Variants in OPCML observed in about 807,000 individuals in gnomAD.
OPCML encodes opioid binding protein/cell adhesion molecule like, also known as opioid-binding protein/cell adhesion molecule.
OPCML carries 13 observed loss-of-function variants against 37.8 expected under a neutral mutation model. The ratio of observed to expected loss-of-function variants is 0.34; its 90% confidence interval spans 0.22 to 0.55. The LOEUF (loss-of-function observed/expected upper bound fraction) is 0.55, where lower values mean the gene tolerates loss of function less well. OPCML is among the 20% of genes least tolerant of loss of function. OPCML has a pLI of 0.91. For missense variants in OPCML, 341 were observed against 435.6 expected (o/e 0.78, Z 1.93); for synonymous variants, 176 against 168.8 (o/e 1.04, Z -0.33).
intron 1 of OPCML, among the ~76,000 whole-genome samples, chr11:133,220,812 T>C (rs1939785018): frequency 1.3e-5 from 2 of 152,136 alleles, no homozygotes; most frequent in African/African-American, 4.8e-5. Context: ...CTCTAAATGC[T>C]TAACAGCCCC....
At chr11:132,892,363 G>C (rs530708694) in intron 2 of OPCML, among the ~76,000 whole-genome samples, 1 of 152,146 alleles carries the variant, frequency 6.6e-6, no homozygotes, top group Non-Finnish European at 1.5e-5. Flanking sequence ...GCTATTTGGA[G>C]TGGGGGACAG....
At chr11:133,308,525 T>C (rs1434525234) in intron 1 of OPCML, among the ~76,000 whole-genome samples, 2 of 152,070 alleles carry the variant, frequency 1.3e-5, no homozygotes, top group African/African-American at 4.8e-5. Flanking sequence ...TTTAAAAATA[T>C]ACTGCAGATA....
At chr11:132,787,862 C>G (rs774664226) in intron 2 of OPCML, among the ~76,000 whole-genome samples, 34 of 152,150 alleles carry the variant, frequency 2.2e-4, no homozygotes, top group Non-Finnish European at 4.7e-4. Context: ...CAAGCTCTTT[C>G]ACATTTCCAG....
At chr11:133,045,731 C>T (rs1159268324) in intron 1 of OPCML, among the ~76,000 whole-genome samples, 2 of 152,188 alleles carry the variant, frequency 1.3e-5, no homozygotes, top group East Asian at 3.9e-4. Context: ...CGTCTTCTAG[C>T]ATGTTAGAGA....
chr11:132,603,955 T>G (rs1938099944), intron 3 of OPCML, among the ~76,000 whole-genome samples: 1 of 152,176 alleles, frequency 6.6e-6, no homozygotes, highest in Non-Finnish European at 1.5e-5. Context: ...TACTTTATGC[T>G]ATAGCTCTAT....
chr11:132,759,124 C>A (rs2136091476), intron 2 of OPCML, among the ~76,000 whole-genome samples: 1 of 152,262 alleles, frequency 6.6e-6, no homozygotes, highest in South Asian at 2.1e-4. Context: ...GTATGTTGAA[C>A]CAGCCTTGCA....
chr11:132,887,261 C>T (rs550137306), intron 2 of OPCML, among the ~76,000 whole-genome samples: 37 of 152,342 alleles, frequency 2.4e-4, no homozygotes, highest in African/African-American at 7.7e-4. Flanking sequence ...GGCTCCACCA[C>T]GGAGCCTAGG....
chr11:132,476,891 T>C (rs893595592), intron 4 of OPCML, among the ~76,000 whole-genome samples: 3 of 152,094 alleles, frequency 2.0e-5, no homozygotes, highest in African/African-American at 7.2e-5. Context: ...ATGAATCCCA[T>C]TGTTTGAAAT....
At chr11:132,498,125 A>G (rs1421838751) in intron 4 of OPCML, among the ~76,000 whole-genome samples, 1 of 152,232 alleles carries the variant, frequency 6.6e-6, no homozygotes, top group Admixed American at 6.5e-5. Context: ...AAAGTGACCA[A>G]AGGAAGAGAA....
chr11:132,712,619 G>C (rs1438510796), intron 2 of OPCML, among the ~76,000 whole-genome samples: 1 of 152,132 alleles, frequency 6.6e-6, no homozygotes, highest in African/African-American at 2.4e-5. Context: ...TCCGCGCCGC[G>C]TGTCAATAAA....
chr11:132,764,012 G>A (rs749234876), intron 2 of OPCML, among the ~76,000 whole-genome samples: 1 of 152,198 alleles, frequency 6.6e-6, no homozygotes, highest in East Asian at 1.9e-4. Flanking sequence ...AGGCCTCAAA[G>A]GCATTATGCC....
At chr11:132,614,304 T>C (rs11223148) in intron 3 of OPCML, among the ~76,000 whole-genome samples, 49,214 of 152,004 alleles carry the variant, frequency 0.32, 9,910 homozygotes, top group Non-Finnish European at 0.46. Context: ...TTTCACCTCC[T>C]TGATGAAGCC....
chr11:133,325,496 G>T, intron 1 of OPCML, among the ~76,000 whole-genome samples: 1 of 152,118 alleles, frequency 6.6e-6, no homozygotes, highest in East Asian at 1.9e-4. Flanking sequence ...CTATCAAAAT[G>T]CAGAAACAAC....
At chr11:132,710,547 AT>A (rs1944218644) in intron 2 of OPCML, among the ~76,000 whole-genome samples, 1 of 152,226 alleles carries the variant, frequency 6.6e-6, no homozygotes, top group Non-Finnish European at 1.5e-5. Context: ...GTGAGCTTTC[AT>A]ATTGACTTTA....
intron 4 of OPCML, among the ~76,000 whole-genome samples, chr11:132,471,961 G>T (rs877264): frequency 1.3e-5 from 2 of 151,872 alleles, no homozygotes; most frequent in Non-Finnish European, 2.9e-5. Flanking sequence ...ACACAGACAC[G>T]GTGGAGGAGT....
chr11:133,181,738 T>C (rs1937842623), intron 1 of OPCML, among the ~76,000 whole-genome samples: 1 of 152,210 alleles, frequency 6.6e-6, no homozygotes, highest in Non-Finnish European at 1.5e-5. Flanking sequence ...TGTGCTCACA[T>C]GTATGGTGAG....
At position 133,259,645 on chromosome 11, in the gene OPCML, G is replaced by A. The variant is rs550487932; in HGVS notation, c.61+272619C>T. 3.3e-5 allele frequency among the ~76,000 whole-genome samples: 5 copies of A among 152,302 alleles called. No homozygotes were observed. In the East Asian group the frequency reaches 9.6e-4, roughly 29 times the overall value. ...TTCCCTGAATCTTTGATGCAAAAGT[G>A]AGAGAAGAATAGTAAAAACGAAATT... is the stretch of plus-strand genomic sequence containing the variant. On this transcript the variant is annotated intron_variant, in intron 1 of 7. Coordinates refer to ENST00000524381, the MANE Select transcript of OPCML (RefSeq NM_001012393.5).
intron 2 of OPCML, among the ~76,000 whole-genome samples, chr11:132,727,728 C>T (rs1438898125): frequency 6.6e-6 from 1 of 152,208 alleles, no homozygotes. Context: ...CTGGAATCTC[C>T]AGTCGGGAAA....
At chr11:133,131,574 A>C (rs1353537217) in intron 1 of OPCML, among the ~76,000 whole-genome samples, 1 of 152,206 alleles carries the variant, frequency 6.6e-6, no homozygotes, top group Admixed American at 6.5e-5. Context: ...GGAAATGTAA[A>C]ATGATGCAGA....
Sources: allele counts gnomAD v4.1 joint callset (sites outside exome capture counted in the v4.1 genomes callset), GRCh38; gene constraint gnomAD v4.1.1; transcripts MANE v1.5; gene names NCBI Gene and HGNC (gene_info 2026-07-23, HGNC 2026-07-21).